Variants in MYT1L observed in about 807,000 individuals in gnomAD.
The protein encoded by MYT1L is myelin transcription factor 1-like protein.
MYT1L carries 12 observed loss-of-function variants against 126.7 expected under a neutral mutation model. The observed-to-expected ratio is 0.09, with a 90% confidence interval of 0.06 to 0.15. The LOEUF (loss-of-function observed/expected upper bound fraction) is 0.15, where lower values mean the gene tolerates loss of function less well. Ranked by LOEUF, MYT1L falls within the 10% of genes least tolerant of loss-of-function variation. The pLI is 1.00. For synonymous variants in MYT1L, 541 were observed against 604.2 expected (o/e 0.90, Z 1.53); for missense variants, 979 against 1,585.2 (o/e 0.62, Z 6.49).
intron 4 of MYT1L, among the ~76,000 whole-genome samples, chr2:2,017,755 T>A (rs2064584431): frequency 6.6e-6 from 1 of 152,142 alleles, no homozygotes; most frequent in Non-Finnish European, 1.5e-5. Context: ...CATCCATCCA[T>A]CTTATAATCC....
chr2:1,933,452 A>G (rs1217266801), intron 9 of MYT1L, among the ~76,000 whole-genome samples: 2 of 152,256 alleles, frequency 1.3e-5, no homozygotes, highest in African/African-American at 4.8e-5. Flanking sequence ...ATGTCGCTTC[A>G]CTTTGAACAC....
chr2:1,801,908 G>A lies in MYT1L; in HGVS notation c.3173-109C>T. On this transcript the variant is annotated intron_variant, in intron 22 of 24. Transcript: ENST00000647738. The surrounding 1 kb of genome is among the most constrained non-coding windows in gnomAD (Gnocchi z 4.2). Reference sequence around the variant, plus strand: ...TTATATTCGTAATTGAATTTGCTTGGAAAATAGACTCTTGAATTAGAAAGG... The same window carrying A: ...TTATATTCGTAATTGAATTTGCTTGAAAAATAGACTCTTGAATTAGAAAGG... 1.5e-6 allele frequency: 1 copy of A among 649,946 alleles called. No homozygotes were observed. The highest frequency in any genetic ancestry group is 2.2e-5 in the South Asian group (1 of 46,144). The allele number at this position is 649,946 out of a possible 1,614,324, so 40.3% of individuals were successfully genotyped here.
At chr2:1,947,565 T>A (rs72767314) in intron 8 of MYT1L, among the ~76,000 whole-genome samples, 4,916 of 152,230 alleles carry the variant, frequency 0.032, 106 homozygotes, top group Non-Finnish European at 0.052. Flanking sequence ...TGCTCACATG[T>A]CCTCTGAACT....
At chr2:1,927,288 T>C (rs1166485350) in intron 9 of MYT1L, among the ~76,000 whole-genome samples, 5 of 152,254 alleles carry the variant, frequency 3.3e-5, no homozygotes, top group Non-Finnish European at 7.3e-5. Context: ...TCTGTTGCAT[T>C]ACACATGAGA....
intron 9 of MYT1L, among the ~76,000 whole-genome samples, chr2:1,932,447 G>A (rs1045461803): frequency 2.0e-5 from 3 of 152,128 alleles, no homozygotes; most frequent in Non-Finnish European, 4.4e-5. Context: ...GGAACTAACA[G>A]AATAATAGTT....
At chr2:2,246,324 G>T (rs1444850718) in intron 2 of MYT1L, among the ~76,000 whole-genome samples, 3 of 152,192 alleles carry the variant, frequency 2.0e-5, no homozygotes, top group Admixed American at 2.0e-4. Context: ...ACCTGAAGAA[G>T]TTCCTCATCT....
intron 3 of MYT1L, among the ~76,000 whole-genome samples, chr2:2,055,419 TG>T (rs763706664): frequency 6.6e-6 from 1 of 152,242 alleles, no homozygotes; most frequent in Non-Finnish European, 1.5e-5. Flanking sequence ...ATTTTTTATT[TG>T]TTATAGCTAT....
At chr2:1,992,037 T>C (rs534571331) in intron 5 of MYT1L, among the ~76,000 whole-genome samples, 1 of 152,298 alleles carries the variant, frequency 6.6e-6, no homozygotes. Context: ...TCACATCAAG[T>C]TCATCTTAGG....
chr2:2,176,970 AC>A (rs1348840447), intron 2 of MYT1L, among the ~76,000 whole-genome samples: 4 of 152,214 alleles, frequency 2.6e-5, no homozygotes, highest in African/African-American at 9.6e-5. Flanking sequence ...TTAGACATGT[AC>A]CTAAAGCCAC....
chr2:2,123,481 TG>T (rs1261337276), intron 3 of MYT1L, among the ~76,000 whole-genome samples: 11 of 152,168 alleles, frequency 7.2e-5, no homozygotes, highest in Admixed American at 5.9e-4. Flanking sequence ...AATTGGATCA[TG>T]GGGCCCATTT....
At position 1,831,480 on chromosome 2, in the gene MYT1L, G is replaced by A. The variant is rs576484530; in HGVS notation, c.3080+7669C>T. Among the ~76,000 whole-genome samples the A allele has an allele frequency of 3.2e-4, 48 of 152,008 alleles. 1 individual carries two copies. The highest frequency in any genetic ancestry group is 3.4e-3 in the Middle Eastern group (1 of 294). ...CTGCCAACGTCGTTCCTCCCCTCTC[G>A]TCTGGTCTGCATTTCTAGAACCATT... On this transcript the variant is annotated intron_variant, in intron 21 of 24. Transcript: ENST00000647738.
At chr2:1,933,635 C>T (rs1260936483) in intron 9 of MYT1L, among the ~76,000 whole-genome samples, 1 of 152,150 alleles carries the variant, frequency 6.6e-6, no homozygotes, top group South Asian at 2.1e-4. Flanking sequence ...TTCAAGCACA[C>T]GTGTGTGCAT....
chr2:1,840,973 G>C (rs1387411364), intron 19 of MYT1L, 130 bp from the exon 20 acceptor site: 30 of 621,436 alleles, frequency 4.8e-5, no homozygotes, highest in Admixed American at 1.2e-4. Flanking sequence ...GTGTGATCTC[G>C]GCTCACTGCA....
intron 18 of MYT1L, among the ~76,000 whole-genome samples, chr2:1,874,586 G>A (rs1018906238): frequency 6.6e-6 from 1 of 152,152 alleles, no homozygotes; most frequent in South Asian, 2.1e-4. Context: ...GTGGTCCAGC[G>A]GCTGGGCCGG....
At chr2:2,045,571 TTTTA>T (rs1301935575) in intron 4 of MYT1L, among the ~76,000 whole-genome samples, 5 of 152,228 alleles carry the variant, frequency 3.3e-5, no homozygotes, top group African/African-American at 1.2e-4. Flanking sequence ...CCCTCTCATA[TTTTA>T]TTTATTTTTT....
chr2:1,987,496 C>T (rs1388691301), intron 5 of MYT1L, among the ~76,000 whole-genome samples: 2 of 152,160 alleles, frequency 1.3e-5, no homozygotes, highest in Non-Finnish European at 1.5e-5. Context: ...GCATGTGCTA[C>T]CCCACACCAC....
At chr2:2,102,331 G>A (rs73911352) in intron 3 of MYT1L, among the ~76,000 whole-genome samples, 1,909 of 152,250 alleles carry the variant, frequency 0.013, 36 homozygotes, top group African/African-American at 0.04. Flanking sequence ...AACCACTAAT[G>A]GAACATAGGT....
At chr2:2,211,816 A>G (rs2093522947) in intron 2 of MYT1L, among the ~76,000 whole-genome samples, 2 of 149,782 alleles carry the variant, frequency 1.3e-5, no homozygotes, top group East Asian at 2.0e-4. Context: ...AAAAAAAAAA[A>G]AAAAACCAAA....
At chr2:2,329,681 AAG>A (rs2149748252) in intron 1 of MYT1L, among the ~76,000 whole-genome samples, 1 of 152,304 alleles carries the variant, frequency 6.6e-6, no homozygotes, top group East Asian at 1.9e-4. Context: ...ATAGTATGGT[AAG>A]AGTTTTCAAA....
Sources: gnomAD v4.1 joint callset for allele counts (sites outside exome capture counted in the v4.1 genomes callset) on GRCh38, gnomAD v4.1.1 for gene constraint, Gnocchi (gnomAD v3.1) non-coding constraint, MANE v1.5 for transcripts, NCBI Gene and HGNC (gene_info 2026-07-23, HGNC 2026-07-21) for gene names.